SHANK2: variants seen among roughly 807,000 people sequenced by gnomAD.
SHANK2 encodes the protein SH3 and multiple ankyrin repeat domains 2.
Under a neutral mutation model 133.7 loss-of-function variants are expected in SHANK2, and 43 were observed. The observed-to-expected ratio is 0.32, with a 90% CI of 0.25 to 0.41. The LOEUF is 0.41. Among genes scored for constraint, SHANK2 ranks in the 10% least tolerant of loss-of-function variants. The probability of loss-of-function intolerance (pLI) is 1.00; values close to 1 mark genes in which losing one functional copy is unlikely to be tolerated. For missense variants in SHANK2, 1,994 were observed against 2,235.8 expected (o/e 0.89, Z 2.18); for synonymous variants, 1,017 against 952.8 (o/e 1.07, Z -1.24).
intron 2 of SHANK2, among the ~76,000 whole-genome samples, chr11:71,155,019 A>G (rs1406642546): frequency 5.6e-4 from 33 of 58,612 alleles, no homozygotes; most frequent in South Asian, 7.6e-4. Flanking sequence ...CAGAGGAGGG[A>G]TGGACCTACC....
At chr11:71,070,204 A>C (rs1051304816) in intron 9 of SHANK2, among the ~76,000 whole-genome samples, 1 of 152,212 alleles carries the variant, frequency 6.6e-6, no homozygotes. Flanking sequence ...CTTTAACTAC[A>C]TCAGTGAGAC....
intron 10 of SHANK2, among the ~76,000 whole-genome samples, chr11:70,907,168 G>A (rs1950117113): frequency 6.6e-6 from 1 of 152,238 alleles, no homozygotes; most frequent in Non-Finnish European, 1.5e-5. Context: ...GCAGTTCCAT[G>A]CTGGGTGACC....
At chr11:70,539,692 C>A (rs1221995993) in intron 17 of SHANK2, among the ~76,000 whole-genome samples, 1 of 152,224 alleles carries the variant, frequency 6.6e-6, no homozygotes, top group Non-Finnish European at 1.5e-5. Flanking sequence ...TGGGCGCTGA[C>A]CCATGTCCAC....
chr11:70,560,395 G>A (rs1554980564), intron 17 of SHANK2, among the ~76,000 whole-genome samples: 2 of 151,498 alleles, frequency 1.3e-5, no homozygotes, highest in Non-Finnish European at 2.9e-5. Flanking sequence ...TCAATAAATG[G>A]AGAGGTTTTA....
Position 70,830,461 on chromosome 11 carries a change from C to T in SHANK2, c.1175-9779G>A, listed in dbSNP as rs1190955968. ...CCTGCCATCTGCACACAGGCCCGGC[C>T]CTTCACCCTCCAAGCCACGGAGACC... is the stretch of plus-strand genomic sequence containing the variant. On this transcript the variant is annotated intron_variant, in intron 11 of 25. Transcript: ENST00000601538. The surrounding 1 kb of genome is among the most constrained non-coding windows in gnomAD (Gnocchi z 4.4). Among the ~76,000 whole-genome samples, 1 of 152,132 alleles carries T rather than the reference C, an allele frequency of 6.6e-6. No individual in the cohort carries two copies. Among genetic ancestry groups the T allele is most frequent in the Non-Finnish European group, 1.5e-5 (1 of 68,030 alleles).
intron 14 of SHANK2, among the ~76,000 whole-genome samples, chr11:70,738,672 A>G (rs1218594108): frequency 6.6e-6 from 1 of 152,064 alleles, no homozygotes; most frequent in Non-Finnish European, 1.5e-5. Context: ...TGCAGTGGCC[A>G]CCGTACTCAT....
intron 14 of SHANK2, among the ~76,000 whole-genome samples, chr11:70,727,160 T>C (rs527331912): frequency 1.3e-5 from 2 of 152,372 alleles, no homozygotes; most frequent in African/African-American, 4.8e-5. Context: ...AGCAACAGTT[T>C]TACCATCTAC....
chr11:70,549,198 C>T (rs1012721151), intron 17 of SHANK2, among the ~76,000 whole-genome samples: 4 of 152,302 alleles, frequency 2.6e-5, no homozygotes, highest in Admixed American at 6.5e-5. Context: ...GACCATGGTC[C>T]GACTTACGTA....
In SHANK2 at chr11:71,148,115, A is replaced by G. The variant is rs562839579; in HGVS notation, c.-12-777T>C. Among the ~76,000 whole-genome samples, 16 of 137,772 alleles carry G rather than the reference A, an allele frequency of 1.2e-4. No individual in the cohort carries two copies. The South Asian group carries it at 3.6e-3, about 31-fold the overall frequency. 90.4% of individuals were successfully genotyped at this position (137,772 alleles called of 152,430 possible). A position where few individuals can be genotyped will look rare whatever the true frequency, so the allele number is the denominator to read the frequency against. Reference sequence around the variant, plus strand: ...TTTTTTTTTTTTGAGATGGAGTTTCACTCTTGTCGCCCAGGCTGGAGTGCA... The same window carrying G: ...TTTTTTTTTTTTGAGATGGAGTTTCGCTCTTGTCGCCCAGGCTGGAGTGCA... On this transcript the variant is annotated intron_variant, in intron 2 of 25. Transcript: ENST00000601538.
intron 17 of SHANK2, among the ~76,000 whole-genome samples, chr11:70,625,810 GAAAAAAAAAA>G (rs34147403): frequency 4.4e-3 from 182 of 41,396 alleles, no homozygotes; most frequent in Middle Eastern, 0.029. Context: ...GTGCAAAAAT[GAAAAAAAAAA>G]AAAAAAAAAA....
intron 11 of SHANK2, among the ~76,000 whole-genome samples, chr11:70,866,510 C>G (rs1949361351): frequency 6.6e-6 from 1 of 152,202 alleles, no homozygotes; most frequent in Admixed American, 6.5e-5. Flanking sequence ...TCCAAGTGTT[C>G]TTTTGTGTTG....
intron 10 of SHANK2, among the ~76,000 whole-genome samples, chr11:70,904,442 C>T (rs1312657334): frequency 1.3e-5 from 2 of 151,986 alleles, no homozygotes; most frequent in African/African-American, 4.8e-5. Flanking sequence ...ATGTCCCCAC[C>T]CAAATCTCAT....
intron 17 of SHANK2, among the ~76,000 whole-genome samples, chr11:70,614,219 G>A (rs1461926226): frequency 1.3e-5 from 2 of 152,184 alleles, no homozygotes; most frequent in Admixed American, 6.5e-5. Context: ...GGAGCCTCTG[G>A]AGGGAGCGCT....
chr11:70,561,630 G>A (rs2059909478), intron 17 of SHANK2, among the ~76,000 whole-genome samples: 1 of 151,850 alleles, frequency 6.6e-6, no homozygotes, highest in African/African-American at 2.4e-5. Flanking sequence ...CTGGGCTCAA[G>A]TGATGTTCCC....
intron 17 of SHANK2, among the ~76,000 whole-genome samples, chr11:70,586,505 G>C (rs1400691268): frequency 6.6e-6 from 1 of 152,126 alleles, no homozygotes; most frequent in Non-Finnish European, 1.5e-5. Context: ...ACTCAGAGCT[G>C]GGCAGCCTGG....
intron 18 of SHANK2, 127 bp from the exon 19 acceptor site, chr11:70,502,413 G>A (rs2059068016): frequency 1.2e-6 from 1 of 833,136 alleles, no homozygotes; most frequent in African/African-American, 1.7e-5. Flanking sequence ...GTCAGGGATT[G>A]TGCAGGTGTG....
At chr11:71,130,470 G>A (rs1260644448) in intron 3 of SHANK2, among the ~76,000 whole-genome samples, 7 of 152,222 alleles carry the variant, frequency 4.6e-5, no homozygotes, top group Non-Finnish European at 8.8e-5. Context: ...GTAAAATGGC[G>A]ATGATGACGG....
chr11:71,218,591 G>A (rs1171753642), intron 2 of SHANK2, among the ~76,000 whole-genome samples: 1 of 152,048 alleles, frequency 6.6e-6, no homozygotes, highest in African/African-American at 2.4e-5. Context: ...AATCTGTGGT[G>A]CCCAGGGATG....
At chr11:70,525,249 G>A (rs1196383855) in intron 17 of SHANK2, among the ~76,000 whole-genome samples, 1 of 152,210 alleles carries the variant, frequency 6.6e-6, no homozygotes, top group African/African-American at 2.4e-5. Flanking sequence ...ACACCTCTCT[G>A]GCTTGCTCCT....
Sources: gnomAD v4.1 joint callset for allele counts (sites outside exome capture counted in the v4.1 genomes callset) on GRCh38, gnomAD v4.1.1 for gene constraint, Gnocchi (gnomAD v3.1) non-coding constraint, MANE v1.5 for transcripts, NCBI Gene and HGNC (gene_info 2026-07-23, HGNC 2026-07-21) for gene names.